RPS6KC1: variants seen among roughly 807,000 people sequenced by gnomAD.
The protein encoded by RPS6KC1 is ribosomal protein S6 kinase C1.
In RPS6KC1, 54 loss-of-function variants were observed where a neutral mutation model predicts 103.8. The ratio of observed to expected loss-of-function variants is 0.52; its 90% CI spans 0.42 to 0.65. The LOEUF (loss-of-function observed/expected upper bound fraction) is 0.65. RPS6KC1 is among the 30% of genes least tolerant of loss of function. The pLI is 0.00. For synonymous variants in RPS6KC1, 439 were observed against 438.7 expected, an observed-to-expected ratio of 1.00 and a Z score of -0.01; for missense variants, 1,151 against 1,253.8, an observed-to-expected ratio of 0.92 and a Z score of 1.24.
the RPS6KC1 span, among the ~76,000 whole-genome samples, chr1:213,602,372 T>G: frequency 6.6e-6 from 1 of 150,696 alleles, no homozygotes; most frequent in East Asian, 2.0e-4. Context: ...TAGCTGGGAT[T>G]ACAGGCACCT....
the RPS6KC1 span, among the ~76,000 whole-genome samples, chr1:213,721,186 C>T: frequency 6.6e-6 from 1 of 152,178 alleles, no homozygotes; most frequent in Non-Finnish European, 1.5e-5. Context: ...GAAGGTGAAG[C>T]TTAGTCATGG....
chr1:213,271,902 CA>C (rs1386546574), intron 14 of RPS6KC1, among the ~76,000 whole-genome samples: 1 of 151,612 alleles, frequency 6.6e-6, no homozygotes, highest in Non-Finnish European at 1.5e-5. Flanking sequence ...AAGTTGTTAA[CA>C]CAAAAATTTG....
the RPS6KC1 span, among the ~76,000 whole-genome samples, chr1:213,628,057 C>A: frequency 1.1e-4 from 16 of 152,140 alleles, no homozygotes; most frequent in African/African-American, 3.6e-4. Context: ...TGGTCCTGGA[C>A]TTTTTTTGGT....
chr1:213,669,386 C>T, the RPS6KC1 span, among the ~76,000 whole-genome samples: 32 of 151,998 alleles, frequency 2.1e-4, 1 homozygote, highest in Non-Finnish European at 3.8e-4. Context: ...GCAGAGTGGT[C>T]GCAACACACA....
the RPS6KC1 span, among the ~76,000 whole-genome samples, chr1:213,559,269 C>A: frequency 6.6e-6 from 1 of 152,182 alleles, no homozygotes; most frequent in Non-Finnish European, 1.5e-5. Context: ...CTCATGGCCA[C>A]CACACTGCCC....
intron 2 of RPS6KC1, chr1:213,072,933 G>A: frequency 4.1e-6 from 4 of 981,066 alleles, no homozygotes; most frequent in Non-Finnish European, 4.8e-6. Flanking sequence ...CCTTTTTTCG[G>A]GAAAACTCTT....
intron 4 of RPS6KC1, among the ~76,000 whole-genome samples, chr1:213,111,967 A>G (rs1163041598): frequency 6.6e-6 from 1 of 152,178 alleles, no homozygotes; most frequent in Non-Finnish European, 1.5e-5. Context: ...GTCGCTCCTA[A>G]AGAGAATAAT....
chr1:213,646,897 A>ATATTTTTT, the RPS6KC1 span, among the ~76,000 whole-genome samples: 207 of 150,526 alleles, frequency 1.4e-3, 1 homozygote, highest in African/African-American at 4.8e-3. Flanking sequence ...ATATATATAT[A>ATATTTTTT]TTTTTGTTTG....
At chr1:213,308,529 A>G in the RPS6KC1 span, among the ~76,000 whole-genome samples, 2,470 of 152,284 alleles carry the variant, frequency 0.016, 30 homozygotes, top group Non-Finnish European at 0.025. Context: ...ATATACAACC[A>G]TATTTGGCAC....
intron 12 of RPS6KC1, among the ~76,000 whole-genome samples, chr1:213,249,358 C>T (rs566340693): frequency 1.2e-4 from 18 of 152,188 alleles, no homozygotes; most frequent in African/African-American, 4.3e-4. Context: ...ATTAGGTTAC[C>T]AGGTCTTATT....
chr1:213,536,536 C>T, the RPS6KC1 span, among the ~76,000 whole-genome samples: 1 of 152,132 alleles, frequency 6.6e-6, no homozygotes, highest in African/African-American at 2.4e-5. Context: ...TATAGTGAGC[C>T]TTCAGCAAAT....
At chr1:213,174,193 T>C (rs759104593) in intron 7 of RPS6KC1, among the ~76,000 whole-genome samples, 35 of 152,334 alleles carry the variant, frequency 2.3e-4, no homozygotes, top group Non-Finnish European at 4.4e-4. Flanking sequence ...TTGCAAGCTT[T>C]AGAATAGTAG....
At chr1:213,091,092 C>G (rs1002488392) in intron 3 of RPS6KC1, among the ~76,000 whole-genome samples, 3 of 151,604 alleles carry the variant, frequency 2.0e-5, no homozygotes, top group Non-Finnish European at 4.4e-5. Context: ...GAGTCTCGCT[C>G]TGTTGTCCAG....
the RPS6KC1 span, among the ~76,000 whole-genome samples, chr1:213,349,851 A>G: frequency 2.0e-5 from 3 of 152,226 alleles, no homozygotes; most frequent in Non-Finnish European, 2.9e-5. Context: ...AGCATGCACT[A>G]AAGAGTGGAA....
chr1:213,698,516 A>C, the RPS6KC1 span, among the ~76,000 whole-genome samples: 1 of 152,086 alleles, frequency 6.6e-6, no homozygotes, highest in African/African-American at 2.4e-5. Flanking sequence ...CTTTTATACC[A>C]CTTAAACATG....
At chr1:213,789,068 C>G in the RPS6KC1 span, among the ~76,000 whole-genome samples, 1 of 152,060 alleles carries the variant, frequency 6.6e-6, no homozygotes, top group Non-Finnish European at 1.5e-5. Context: ...TTGCCCTAGA[C>G]CCAGTGAGAA....
Position 213,262,813 on chromosome 1 carries a change from A to G in RPS6KC1, c.3087A>G (p.Gln1029=). Residue 1029 remains glutamine, a synonymous_variant, in exon 14 of 15, where the codon CAA becomes CAG. Transcript: ENST00000366960. ...CVSEEARSLI[Q]QLLQFNPLER... ...CTGAAGAGGCTCGCTCACTCATTCA[A>G]CAGGTAATTTAACTGACCTATTGGC... is the stretch of plus-strand genomic sequence containing the variant. The G allele has an allele frequency of 6.3e-7, 1 of 1,595,000 alleles. No individual in the cohort carries two copies.
At chr1:213,328,504 CTATATATATATATATATATATATA>C in the RPS6KC1 span, among the ~76,000 whole-genome samples, 1 of 101,464 alleles carries the variant, frequency 9.9e-6, no homozygotes, top group Non-Finnish European at 2.1e-5. Flanking sequence ...AGCCATTATA[CTATATATATATATATATATATATA>C]TATATATATA....
At chr1:213,663,984 G>A in the RPS6KC1 span, among the ~76,000 whole-genome samples, 2 of 152,178 alleles carry the variant, frequency 1.3e-5, no homozygotes, top group Non-Finnish European at 2.9e-5. Context: ...TTGTTCCACT[G>A]AATCTCCTAC....
Sources: allele counts gnomAD v4.1 joint callset (sites outside exome capture counted in the v4.1 genomes callset), GRCh38; gene constraint gnomAD v4.1.1; transcripts MANE v1.5; gene names NCBI Gene and HGNC (gene_info 2026-07-23, HGNC 2026-07-21).